Variants in CDH18 observed in about 807,000 individuals in gnomAD.
CDH18 encodes cadherin 18.
CDH18 carries 31 observed loss-of-function variants against 67.9 expected under a neutral mutation model. That is an observed-to-expected ratio of 0.46 (90% CI 0.34 to 0.62). The LOEUF (loss-of-function observed/expected upper bound fraction) is 0.62. Ranked by LOEUF, CDH18 falls within the 20% of genes least tolerant of loss-of-function variation. The pLI is 0.01. For missense variants in CDH18, 890 were observed against 975.5 expected, an observed-to-expected ratio of 0.91 and a Z score of 1.17; for synonymous variants, 362 against 347.2, an observed-to-expected ratio of 1.04 and a Z score of -0.48.
chr5:20,433,955 AAGT>A (rs1748969369), intron 1 of CDH18, among the ~76,000 whole-genome samples: 1 of 152,082 alleles, frequency 6.6e-6, no homozygotes, highest in Admixed American at 6.6e-5. Flanking sequence ...AACATGAGAA[AAGT>A]AGTGAAAGTT....
At chr5:19,563,062 G>C (rs1739734031) in intron 8 of CDH18, among the ~76,000 whole-genome samples, 1 of 152,136 alleles carries the variant, frequency 6.6e-6, no homozygotes, top group Non-Finnish European at 1.5e-5. Flanking sequence ...ACCCATAAAA[G>C]GGAAGGCCCC....
intron 9 of CDH18, among the ~76,000 whole-genome samples, chr5:19,533,474 A>T (rs190612536): frequency 7.2e-5 from 11 of 152,276 alleles, no homozygotes; most frequent in Non-Finnish European, 1.3e-4. Flanking sequence ...AAAGAATGAG[A>T]TAACAGAGAT....
Position 20,490,129 on chromosome 5 carries a change from C to T in CDH18, c.-580+85333G>A, listed in dbSNP as rs1333406862. On this transcript the variant is annotated intron_variant, in intron 1 of 14. Coordinates refer to the CDH18 transcript ENST00000507958. ...ATTAATAAATAATCATTGCTACTCG[C>T]TAAAGAATGATAGACCAATGGCATT... 6.6e-5 allele frequency among the ~76,000 whole-genome samples: 10 copies of T among 151,478 alleles called. No homozygotes were observed. In the South Asian group the frequency reaches 1.2e-3, roughly 19 times the overall value.
intron 1 of CDH18, among the ~76,000 whole-genome samples, chr5:20,498,032 G>T (rs1326839327): frequency 2.0e-5 from 3 of 152,038 alleles, no homozygotes; most frequent in African/African-American, 7.2e-5. Flanking sequence ...CATAAAGTGG[G>T]TCCTCACTAG....
intron 1 of CDH18, among the ~76,000 whole-genome samples, chr5:20,522,758 C>T (rs375471170): frequency 5.3e-5 from 8 of 152,156 alleles, no homozygotes; most frequent in South Asian, 2.1e-4. Flanking sequence ...ATCTAAAACC[C>T]GTTAGGAAGT....
chr5:20,519,798 T>C (rs1332941986), intron 1 of CDH18, among the ~76,000 whole-genome samples: 1 of 151,922 alleles, frequency 6.6e-6, no homozygotes, highest in Non-Finnish European at 1.5e-5. Context: ...TTCTTCAGCA[T>C]CATCCTGACA....
chr5:20,133,312 T>C (rs2126484891), intron 2 of CDH18, among the ~76,000 whole-genome samples: 1 of 152,232 alleles, frequency 6.6e-6, no homozygotes, highest in Admixed American at 6.5e-5. Flanking sequence ...AAGAGCAAAG[T>C]GACATTCTAC....
intron 12 of CDH18, 26 bp downstream of exon 12, chr5:19,483,275 C>A: frequency 1.9e-6 from 3 of 1,584,970 alleles, no homozygotes; most frequent in Non-Finnish European, 2.6e-6. Context: ...TGCCATCATG[C>A]AAACTTAGGG....
chr5:20,451,358 G>T (rs1009680316), intron 1 of CDH18, among the ~76,000 whole-genome samples: 10 of 152,090 alleles, frequency 6.6e-5, no homozygotes, highest in Non-Finnish European at 1.2e-4. Context: ...AACAGCTTAA[G>T]AATGCATTAT....
At chr5:20,555,528 T>A (rs144925368) in intron 1 of CDH18, among the ~76,000 whole-genome samples, 4,075 of 148,894 alleles carry the variant, frequency 0.027, 94 homozygotes, top group African/African-American at 0.065. Flanking sequence ...CACTGCAACC[T>A]CTGCCTCCCT....
intron 9 of CDH18, among the ~76,000 whole-genome samples, chr5:19,540,811 C>T (rs1477506471): frequency 6.6e-6 from 1 of 152,168 alleles, no homozygotes; most frequent in Non-Finnish European, 1.5e-5. Flanking sequence ...CAATTTTTCC[C>T]TCCTAGGTCT....
intron 2 of CDH18, among the ~76,000 whole-genome samples, chr5:20,159,350 C>T (rs1036239089): frequency 9.2e-5 from 14 of 151,932 alleles, no homozygotes; most frequent in African/African-American, 3.1e-4. Context: ...GATTTCCTAC[C>T]AATAAGAGGA....
chr5:19,581,414 G>A (rs1244857272), intron 7 of CDH18, among the ~76,000 whole-genome samples: 1 of 151,692 alleles, frequency 6.6e-6, no homozygotes, highest in Admixed American at 6.6e-5. Flanking sequence ...CTTTTTAATT[G>A]TTTCTCATTA....
chr5:20,475,876 A>G (rs953642730), intron 1 of CDH18, among the ~76,000 whole-genome samples: 2 of 152,184 alleles, frequency 1.3e-5, no homozygotes, highest in Admixed American at 6.5e-5. Flanking sequence ...AAAAATGGAA[A>G]GGTTTGGATT....
chr5:20,034,128 A>C (rs539625564), intron 2 of CDH18, among the ~76,000 whole-genome samples: 96 of 152,116 alleles, frequency 6.3e-4, no homozygotes, highest in African/African-American at 2.2e-3. Flanking sequence ...GTGGGGGGAA[A>C]AGAATTGTGA....
At chr5:20,423,389 T>A (rs1748016033) in intron 1 of CDH18, among the ~76,000 whole-genome samples, 2 of 151,128 alleles carry the variant, frequency 1.3e-5, no homozygotes, top group African/African-American at 4.9e-5. Context: ...ATACACGAAA[T>A]TGGAGCATAT....
At chr5:20,417,221 G>A (rs945172298) in intron 1 of CDH18, among the ~76,000 whole-genome samples, 1 of 152,006 alleles carries the variant, frequency 6.6e-6, no homozygotes, top group Non-Finnish European at 1.5e-5. Context: ...ATTTAATAAC[G>A]TAGCTGTTCT....
At chr5:20,284,647 G>A (rs1028970787) in intron 1 of CDH18, among the ~76,000 whole-genome samples, 14 of 151,838 alleles carry the variant, frequency 9.2e-5, no homozygotes, top group Non-Finnish European at 1.9e-4. Flanking sequence ...CACTTAGTAC[G>A]ACACCATGAA....
At chr5:19,569,729 G>T (rs935786014) in intron 8 of CDH18, among the ~76,000 whole-genome samples, 3 of 152,014 alleles carry the variant, frequency 2.0e-5, no homozygotes, top group Non-Finnish European at 4.4e-5. Context: ...GTACATATTG[G>T]TACCCACTGG....
Sources: gnomAD v4.1 joint callset for allele counts (sites outside exome capture counted in the v4.1 genomes callset) on GRCh38, gnomAD v4.1.1 for gene constraint, MANE v1.5 for transcripts, NCBI Gene and HGNC (gene_info 2026-07-23, HGNC 2026-07-21) for gene names.